MINK1: variants seen among roughly 807,000 people sequenced by gnomAD.
MINK1 encodes the protein misshapen like kinase 1, also known as misshapen-like kinase 1.
MINK1 carries 46 observed loss-of-function variants against 178.4 expected under a neutral mutation model. The observed-to-expected ratio is 0.26, with a 90% confidence interval of 0.20 to 0.33. The LOEUF is 0.33. Ranked by LOEUF, MINK1 falls within the 10% of genes least tolerant of loss-of-function variation. The pLI, the probability that MINK1 is intolerant of heterozygous loss-of-function variation, is 1.00. For missense variants in MINK1, 1,366 were observed against 1,814.9 expected, an observed-to-expected ratio of 0.75 and a Z score of 4.49; for synonymous variants, 797 against 709.7, an observed-to-expected ratio of 1.12 and a Z score of -1.96.
At chr17:4,877,809 CTTTTTTT>C (rs1198512639) in intron 1 of MINK1, among the ~76,000 whole-genome samples, 1 of 122,402 alleles carries the variant, frequency 8.2e-6, no homozygotes, top group Non-Finnish European at 1.7e-5. Context: ...TCTCTCACTT[CTTTTTTT>C]TTTTTTTTTT....
intron 1 of MINK1, among the ~76,000 whole-genome samples, chr17:4,873,927 G>A (rs1330119123): frequency 6.6e-6 from 1 of 151,974 alleles, no homozygotes; most frequent in Non-Finnish European, 1.5e-5. Flanking sequence ...ACCCTAAGGT[G>A]GACTTTTTAC....
At chr17:4,856,419 C>G (rs1285322645) in intron 1 of MINK1, among the ~76,000 whole-genome samples, 2 of 152,078 alleles carry the variant, frequency 1.3e-5, no homozygotes, top group Non-Finnish European at 2.9e-5. Context: ...TTTTCTCTCT[C>G]TTACGTACTC....
chr17:4,839,925 G>GT (rs921819327), intron 1 of MINK1, among the ~76,000 whole-genome samples: 4 of 146,330 alleles, frequency 2.7e-5, no homozygotes, highest in African/African-American at 1.0e-4. Flanking sequence ...CATTAATCAA[G>GT]TAATTATTTA....
intron 1 of MINK1, among the ~76,000 whole-genome samples, chr17:4,852,227 T>C (rs1383721426): frequency 6.8e-6 from 1 of 146,106 alleles, no homozygotes; most frequent in East Asian, 2.0e-4. Flanking sequence ...AGGAGGGAGG[T>C]TTTTCTAGAT....
intron 1 of MINK1, chr17:4,850,985 C>T (rs1347379879): frequency 2.2e-6 from 1 of 458,168 alleles, no homozygotes; most frequent in African/African-American, 2.0e-5. Flanking sequence ...ACTGGCCCTC[C>T]TCCCTGCCCC....
Position 4,887,649 on chromosome 17 carries a change from G to A in MINK1, c.1089G>A (p.Lys363=). ...REFLRLQQEN[K]SNSEALKQQQ... is the part of the protein sequence containing the mutation. Reference sequence around the variant, plus strand: ...TTCTCCGGCTCCAGCAGGAAAATAAGAGCAACTCAGAGGCTTTAAAACAGC... The same window carrying A: ...TTCTCCGGCTCCAGCAGGAAAATAAAAGCAACTCAGAGGCTTTAAAACAGC... The change falls in exon 12 of 32, where the codon AAG becomes AAA. Residue 363 remains lysine (K), a synonymous_variant. Coordinates refer to ENST00000355280, the MANE Select transcript of MINK1 (RefSeq NM_153827.5). This position sits in a 1 kb window ranked among gnomAD's most constrained non-coding sequence, Gnocchi z 7.6. 6.4e-7 allele frequency: 1 copy of A among 1,566,390 alleles called. No individual in the cohort carries two copies.
chr17:4,855,183 C>G (rs1344436235), intron 1 of MINK1, among the ~76,000 whole-genome samples: 1 of 115,400 alleles, frequency 8.7e-6, no homozygotes, highest in Admixed American at 9.1e-5. Context: ...CCACCACACT[C>G]CTGTCTTAAA....
In MINK1 at chr17:4,897,706, G is replaced by T. The variant is rs1045120672; in HGVS notation, c.*419G>T. The T allele has an allele frequency of 2.6e-4, 41 of 157,288 alleles. No homozygotes were observed. The highest frequency in any genetic ancestry group is 2.5e-4 in the Non-Finnish European group (18 of 71,358). The allele number at this position is 157,288 out of a possible 1,614,324, so 9.7% of individuals were successfully genotyped here. A position where few individuals can be genotyped will look rare whatever the true frequency, so the allele number is the denominator to read the frequency against. ...CCTTGAATGTACCAGACCCTGGGGGGGGTCACTGGGCCCTAGATTTTTGGG... is the reference window on the plus strand; with the variant it reads ...CCTTGAATGTACCAGACCCTGGGGGTGGTCACTGGGCCCTAGATTTTTGGG... On this transcript the variant is annotated 3_prime_UTR_variant, in exon 32 of 32. Coordinates refer to ENST00000355280, the MANE Select transcript of MINK1 (RefSeq NM_153827.5).
rs1428823046 is a variant in MINK1 at position 4,896,343 on chromosome 17, G to A, written c.3615+1G>A. 6.3e-7 allele frequency: 1 copy of A among 1,599,782 alleles called. No individual in the cohort carries two copies. Among genetic ancestry groups the A allele is most frequent in the Non-Finnish European group, 8.5e-7 (1 of 1,172,126 alleles). On this transcript the variant is annotated splice_donor_variant, in intron 29 of 31. Transcript: ENST00000355280. LOFTEE classifies it high-confidence loss of function. The surrounding 1 kb of genome is among the most constrained non-coding windows in gnomAD (Gnocchi z 4.6). ...CTATGACATCTACATCCCTGTGCAC[G>A]TGAGCTTGGCGGGGCTGCTGGGGGA...
chr17:4,860,384 G>C (rs1229889918), intron 1 of MINK1, among the ~76,000 whole-genome samples: 2 of 152,144 alleles, frequency 1.3e-5, no homozygotes, highest in Non-Finnish European at 2.9e-5. Flanking sequence ...CTTGGCTCAC[G>C]CTTCCTAGGC....
intron 13 of MINK1, chr17:4,890,047 G>A (rs1417024559): frequency 3.3e-5 from 16 of 486,254 alleles, no homozygotes; most frequent in Non-Finnish European, 5.3e-5. Flanking sequence ...CATCTGTGCC[G>A]CATGGCCCCC....
intron 1 of MINK1, among the ~76,000 whole-genome samples, chr17:4,837,376 T>G (rs1909472580): frequency 6.6e-6 from 1 of 152,206 alleles, no homozygotes; most frequent in South Asian, 2.1e-4. Context: ...GAGAAAGTAT[T>G]CAATAAACCC....
intron 1 of MINK1, among the ~76,000 whole-genome samples, chr17:4,849,137 C>G (rs8073967): frequency 0.43 from 65,559 of 152,000 alleles, 15,962 homozygotes; most frequent in Non-Finnish European, 0.56. Flanking sequence ...AGTCCTAGAG[C>G]CTCCTACCAT....
At position 4,896,905 on chromosome 17, in the gene MINK1, T is replaced by TGGC. The variant is rs372730729; in HGVS notation, c.3915+93_3915+95dup. The TGGC allele has an allele frequency of 1.8e-4, 268 of 1,460,994 alleles. No individual in the cohort carries two copies. Among genetic ancestry groups the TGGC allele is most frequent in the African/African-American group, 4.4e-4 (31 of 70,332 alleles). 90.5% of individuals were successfully genotyped at this position (1,460,994 alleles called of 1,614,324 possible). ...AGTTCTGGGGAGAGGATGGTGGTGG[T>TGGC]GGCTTCCTGAAAGCGGGCCCCTCTG... On this transcript the variant is annotated intron_variant, in intron 31 of 31. Coordinates refer to ENST00000355280, the MANE Select transcript of MINK1 (RefSeq NM_153827.5). This position sits in a 1 kb window ranked among gnomAD's most constrained non-coding sequence, Gnocchi z 4.6.
At chr17:4,858,457 A>ATT (rs201039647) in intron 1 of MINK1, among the ~76,000 whole-genome samples, 17 of 147,010 alleles carry the variant, frequency 1.2e-4, no homozygotes, top group African/African-American at 4.3e-4. Flanking sequence ...TTCCCTGTTT[A>ATT]TTTTTTTTTA....
In MINK1 at chr17:4,856,491, C is replaced by T. The variant is rs139233542; in HGVS notation, c.58-21826C>T. 6.8e-3 allele frequency among the ~76,000 whole-genome samples: 1,041 copies of T among 152,126 alleles called. 5 individuals are homozygous for T. Among genetic ancestry groups the T allele is most frequent in the South Asian group, 0.013 (61 of 4,808 alleles). Reference sequence around the variant, plus strand: ...CTGAGAACTTTATCAGACACAGCTGCCGCACAGGGCCTGGCAGCGCGGGCT... The same window carrying T: ...CTGAGAACTTTATCAGACACAGCTGTCGCACAGGGCCTGGCAGCGCGGGCT... On this transcript the variant is annotated intron_variant, in intron 1 of 31. Transcript: ENST00000355280.
intron 1 of MINK1, among the ~76,000 whole-genome samples, chr17:4,869,090 A>AT (rs1444653184): frequency 2.0e-5 from 3 of 150,606 alleles, no homozygotes; most frequent in Non-Finnish European, 3.0e-5. Flanking sequence ...CGCCCGGCTA[A>AT]TTTTTTTTTA....
At position 4,842,164 on chromosome 17, in the gene MINK1, T is replaced by C. The variant is rs145534805; in HGVS notation, c.57+8524T>C. Among the ~76,000 whole-genome samples, 781 of 147,526 alleles carry C rather than the reference T, an allele frequency of 5.3e-3. 8 individuals are homozygous for C. The highest frequency in any genetic ancestry group is 0.018 in the African/African-American group (732 of 39,634). On this transcript the variant is annotated intron_variant, in intron 1 of 31. Coordinates refer to ENST00000355280, the MANE Select transcript of MINK1 (RefSeq NM_153827.5). ...GCATGAACCCGGGAGGCGGAGCTTG[T>C]AGTGAGCCTAGACCACGCCACTGCA... is the stretch of plus-strand genomic sequence containing the variant.
intron 1 of MINK1, chr17:4,834,919 C>CA: frequency 2.0e-6 from 1 of 510,618 alleles, no homozygotes; most frequent in South Asian, 1.4e-5. Flanking sequence ...TTGAAGAGAG[C>CA]AGAGTCATGT....
Sources: allele counts gnomAD v4.1 joint callset (sites outside exome capture counted in the v4.1 genomes callset), GRCh38; gene constraint gnomAD v4.1.1; non-coding constraint Gnocchi (gnomAD v3.1); transcripts MANE v1.5; gene names NCBI Gene and HGNC (gene_info 2026-07-23, HGNC 2026-07-21).